Variants in PM20D1 observed in about 807,000 individuals in gnomAD.
PM20D1 encodes peptidase M20 domain containing 1.
PM20D1 carries 53 observed loss-of-function variants against 53.8 expected under a neutral mutation model. The observed-to-expected ratio is 0.98, with a 90% CI of 0.79 to 1.24. The LOEUF (loss-of-function observed/expected upper bound fraction) is 1.24, where lower values mean the gene tolerates loss of function less well. Among genes scored for constraint, PM20D1 ranks in the 50% most tolerant of loss-of-function variants. The pLI is 0.00. For synonymous variants in PM20D1, 239 were observed against 241.3 expected, an observed-to-expected ratio of 0.99 and a Z score of 0.09; for missense variants, 564 against 616.8, an observed-to-expected ratio of 0.91 and a Z score of 0.91.
intron 12 of PM20D1, among the ~76,000 whole-genome samples, 197 bp from the exon 13 acceptor site, chr1:205,828,940 T>C (rs1280507588): frequency 3.3e-5 from 5 of 152,238 alleles, no homozygotes; most frequent in African/African-American, 1.2e-4. Flanking sequence ...GATCCATCTA[T>C]GCTCGTGACA....
At chr1:205,846,202 A>G (rs928147190) in intron 2 of PM20D1, among the ~76,000 whole-genome samples, 5 of 152,152 alleles carry the variant, frequency 3.3e-5, no homozygotes, top group East Asian at 1.9e-4. Context: ...CCTGGCCCAC[A>G]TGGTGAAACC....
At position 205,850,077 on chromosome 1, in the gene PM20D1, C is replaced by T; in HGVS notation, c.-5G>A. On this transcript the variant is annotated 5_prime_UTR_variant, in exon 1 of 13. Coordinates refer to ENST00000367136, the MANE Select transcript of PM20D1 (RefSeq NM_152491.5). ...GCAAACGCACCGCTGAGCCATGCTT[C>T]TCTCGAGCTCCTGCTGTCAGGCTAC... 4 of 1,610,168 alleles carry T rather than the reference C, an allele frequency of 2.5e-6. No individual in the cohort carries two copies. The highest frequency in any genetic ancestry group is 3.4e-6 in the Non-Finnish European group (4 of 1,177,002).
chr1:205,832,345 T>C (rs1656578505), intron 11 of PM20D1, among the ~76,000 whole-genome samples: 1 of 152,156 alleles, frequency 6.6e-6, no homozygotes, highest in African/African-American at 2.4e-5. Flanking sequence ...AATTCTCCCC[T>C]CTATGCCAGA....
chr1:205,847,006 CTTTTTT>C (rs778538865), intron 2 of PM20D1, among the ~76,000 whole-genome samples: 10 of 44,670 alleles, frequency 2.2e-4, no homozygotes, highest in South Asian at 1.2e-3. Flanking sequence ...TCCTTCCTTT[CTTTTTT>C]TTTTTTTTTT....
chr1:205,842,276 C>T, intron 7 of PM20D1, 61 bp from the exon 8 acceptor site: 2 of 1,463,726 alleles, frequency 1.4e-6, no homozygotes, highest in Admixed American at 1.7e-5. Flanking sequence ...GTCTCTGAGA[C>T]CTGAGTCTCT....
At chr1:205,833,893 G>A (rs1346437889) in intron 10 of PM20D1, among the ~76,000 whole-genome samples, 2 of 152,008 alleles carry the variant, frequency 1.3e-5, no homozygotes, top group Non-Finnish European at 2.9e-5. Flanking sequence ...TGTCGCCCAG[G>A]CTGGAGTGCA....
In PM20D1 at chr1:205,842,728, A is replaced by G; in HGVS notation, c.851T>C (p.Ile284Thr). The change falls in exon 7 of 13, where the codon ATC (isoleucine) becomes ACC (threonine). Residue 284 changes from isoleucine to threonine, a missense_variant. Coordinates refer to ENST00000367136, the MANE Select transcript of PM20D1 (RefSeq NM_152491.5). ...VSRLEQTPMP[I>T]IFGSGTVVTV... ...CACCACTGTCCCGCTTCCAAATATGATAGGCATTGGTGTCTGCTCCAATCT... is the reference window on the plus strand; with the variant it reads ...CACCACTGTCCCGCTTCCAAATATGGTAGGCATTGGTGTCTGCTCCAATCT... 2 of 1,614,070 alleles carry G rather than the reference A, an allele frequency of 1.2e-6. No individual in the cohort carries two copies. Among genetic ancestry groups the G allele is most frequent in the Non-Finnish European group, 1.7e-6 (2 of 1,180,032 alleles).
Position 205,842,683 on chromosome 1 carries a change from G to T in PM20D1, c.896C>A (p.Ala299Glu). 1 of 1,613,840 alleles carries T rather than the reference G, an allele frequency of 6.2e-7. No individual in the cohort carries two copies. Among genetic ancestry groups the T allele is most frequent in the Non-Finnish European group, 8.5e-7 (1 of 1,179,908 alleles). ...GTVVTVLQQL[A>E]NEFPFPVNII... ...TGATACTTCTTCCCATACCTCATTT[G>T]CCAGTTGCTGCAATACAGTCACCAC... Residue 299 changes from alanine to glutamate, a missense_variant, in exon 7 of 13, where the codon GCA becomes GAA. Ala to Glu is a moderately radical substitution (Grantham distance 107). Coordinates refer to ENST00000367136, the MANE Select transcript of PM20D1 (RefSeq NM_152491.5).
intron 10 of PM20D1, among the ~76,000 whole-genome samples, chr1:205,836,027 C>G (rs1488016233): frequency 2.6e-5 from 4 of 152,088 alleles, no homozygotes; most frequent in Non-Finnish European, 5.9e-5. Context: ...AGGTGCCCAC[C>G]ACCATGCCCA....
At chr1:205,837,272 T>C (rs1487168770) in intron 10 of PM20D1, among the ~76,000 whole-genome samples, 1 of 152,222 alleles carries the variant, frequency 6.6e-6, no homozygotes, top group Non-Finnish European at 1.5e-5. Context: ...TACAACACTC[T>C]TATTGAGCCC....
chr1:205,837,041 T>C (rs1051781743), intron 10 of PM20D1, among the ~76,000 whole-genome samples: 1 of 152,168 alleles, frequency 6.6e-6, no homozygotes, highest in South Asian at 2.1e-4. Context: ...ACAATTACTC[T>C]GTGACACAGC....
chr1:205,832,061 C>T (rs1656574079), intron 11 of PM20D1, among the ~76,000 whole-genome samples: 1 of 152,100 alleles, frequency 6.6e-6, no homozygotes, highest in Non-Finnish European at 1.5e-5. Flanking sequence ...GAGACCTATT[C>T]CACTCTTAGA....
At chr1:205,834,993 A>G (rs1656648638) in intron 10 of PM20D1, among the ~76,000 whole-genome samples, 2 of 152,236 alleles carry the variant, frequency 1.3e-5, no homozygotes, top group African/African-American at 4.8e-5. Context: ...AAAAATAAGA[A>G]TAGGTGTTGA....
intron 7 of PM20D1, 141 bp from the exon 8 acceptor site, chr1:205,842,356 C>G (rs1656832086): frequency 2.6e-6 from 2 of 766,842 alleles, no homozygotes; most frequent in East Asian, 5.2e-5. Context: ...AGCTCAATCC[C>G]TGCTAGAGGA....
intron 10 of PM20D1, among the ~76,000 whole-genome samples, chr1:205,839,862 G>C (rs1178436027): frequency 8.4e-6 from 1 of 119,338 alleles, no homozygotes; most frequent in Non-Finnish European, 1.6e-5. Context: ...AGTGAGCCAA[G>C]ATCGTGCCAC....
At chr1:205,839,466 T>A (rs917885143) in intron 10 of PM20D1, among the ~76,000 whole-genome samples, 2 of 152,224 alleles carry the variant, frequency 1.3e-5, no homozygotes, top group African/African-American at 4.8e-5. Context: ...ATTGCTCTGG[T>A]ACTCTGTACC....
chr1:205,839,910 C>CAAAAAAAA (rs567749262), intron 10 of PM20D1, among the ~76,000 whole-genome samples: 21 of 58,094 alleles, frequency 3.6e-4, no homozygotes, highest in East Asian at 1.1e-3. Flanking sequence ...GACTCTGACT[C>CAAAAAAAA]AAAAAAAAAA....
intron 6 of PM20D1, 124 bp downstream of exon 6, chr1:205,843,543 T>G: frequency 7.2e-7 from 1 of 1,397,178 alleles, no homozygotes; most frequent in Non-Finnish European, 9.6e-7. Context: ...GTGTCAATTT[T>G]TTATAGCATA....
intron 6 of PM20D1, 132 bp downstream of exon 6, chr1:205,843,535 G>A (rs1656865684): frequency 7.6e-7 from 1 of 1,319,584 alleles, no homozygotes; most frequent in Admixed American, 2.3e-5. Context: ...TTCCTCTAGT[G>A]TCAATTTTTT....
Sources: gnomAD v4.1 joint callset for allele counts (sites outside exome capture counted in the v4.1 genomes callset) on GRCh38, gnomAD v4.1.1 for gene constraint, MANE v1.5 for transcripts, NCBI Gene and HGNC (gene_info 2026-07-23, HGNC 2026-07-21) for gene names.